The following DNAH11 variants were observed in gnomAD, a reference collection of about 807,000 sequenced individuals.
DNAH11 encodes dynein axonemal heavy chain 11.
In DNAH11, 442 loss-of-function variants were observed where a neutral mutation model predicts 526.0. That is an observed-to-expected ratio of 0.84 (90% CI 0.78 to 0.91). The LOEUF (loss-of-function observed/expected upper bound fraction) is 0.91. DNAH11 is among the 40% of genes least tolerant of loss of function. The pLI is 0.00. For synonymous variants in DNAH11, 2,461 were observed against 1,935.9 expected (o/e 1.27, Z -7.12); for missense variants, 6,989 against 5,448.7 (o/e 1.28, Z -8.90).
At chr7:21,759,178 T>C (rs565036750) in intron 54 of DNAH11, among the ~76,000 whole-genome samples, 4 of 152,290 alleles carry the variant, frequency 2.6e-5, no homozygotes, top group Non-Finnish European at 5.9e-5. Flanking sequence ...CTCTTTGCTA[T>C]CTATTGGGAT....
chr7:21,866,721 T>A, intron 71 of DNAH11, 58 bp downstream of exon 71: 1 of 1,515,742 alleles, frequency 6.6e-7, no homozygotes, highest in Non-Finnish European at 8.9e-7. Flanking sequence ...AAATGTAGTC[T>A]GAAGAGTTAG....
intron 61 of DNAH11, among the ~76,000 whole-genome samples, chr7:21,800,074 A>C (rs966737286): frequency 5.3e-5 from 8 of 152,202 alleles, no homozygotes; most frequent in African/African-American, 1.7e-4. Flanking sequence ...AAAGGTGACC[A>C]GGGGACCCAA....
At chr7:21,868,313 A>AT (rs1430533171) in intron 72 of DNAH11, among the ~76,000 whole-genome samples, 1 of 152,140 alleles carries the variant, frequency 6.6e-6, no homozygotes, top group African/African-American at 2.4e-5. Flanking sequence ...CTGTGACTAA[A>AT]TAATGGTCAT....
chr7:21,658,058 C>A (rs1169332190), intron 29 of DNAH11, among the ~76,000 whole-genome samples: 1 of 151,656 alleles, frequency 6.6e-6, no homozygotes, highest in Non-Finnish European at 1.5e-5. Flanking sequence ...TATATGATAT[C>A]CTAAGAAAAT....
intron 22 of DNAH11, 39 bp from the exon 23 acceptor site, chr7:21,617,580 T>C (rs1785835602): frequency 8.1e-6 from 13 of 1,609,398 alleles, no homozygotes; most frequent in Middle Eastern, 3.3e-4. Flanking sequence ...TACTGTGTTA[T>C]ATCTTGGGAG....
intron 12 of DNAH11, among the ~76,000 whole-genome samples, chr7:21,589,887 T>C (rs1399242565): frequency 1.3e-5 from 2 of 152,204 alleles, no homozygotes; most frequent in Admixed American, 6.5e-5. Flanking sequence ...ACGTTTTTGA[T>C]GAGCACTGGT....
chr7:21,817,459 T>C (rs924311666), intron 64 of DNAH11, among the ~76,000 whole-genome samples: 5 of 147,358 alleles, frequency 3.4e-5, no homozygotes, highest in Non-Finnish European at 5.9e-5. Flanking sequence ...TACAGGAGGA[T>C]TGCTTGGAGC....
At chr7:21,770,093 C>T (rs1434226064) in intron 55 of DNAH11, among the ~76,000 whole-genome samples, 2 of 152,178 alleles carry the variant, frequency 1.3e-5, no homozygotes, top group African/African-American at 4.8e-5. Flanking sequence ...TGTGTAATGG[C>T]AGTAATCTTA....
At chr7:21,668,905 A>C (rs1398545161) in intron 30 of DNAH11, among the ~76,000 whole-genome samples, 1 of 152,206 alleles carries the variant, frequency 6.6e-6, no homozygotes, top group Non-Finnish European at 1.5e-5. Context: ...TTTAAGAAAC[A>C]GTCAAACAGT....
intron 58 of DNAH11, among the ~76,000 whole-genome samples, chr7:21,786,164 T>C (rs1788172107): frequency 1.3e-5 from 2 of 151,218 alleles, no homozygotes; most frequent in African/African-American, 2.5e-5. Context: ...AAGATATTTC[T>C]TTCTTGTACA....
chr7:21,544,904 G>A, intron 1 of DNAH11, 102 bp from the exon 2 acceptor site: 1 of 999,396 alleles, frequency 1.0e-6, no homozygotes, highest in Non-Finnish European at 1.4e-6. Context: ...AAGATGCCAG[G>A]TTTTGTTTCT....
intron 14 of DNAH11, among the ~76,000 whole-genome samples, chr7:21,597,916 A>G (rs1030495572): frequency 3.3e-5 from 5 of 152,222 alleles, no homozygotes; most frequent in Non-Finnish European, 5.9e-5. Flanking sequence ...GTACTGCACA[A>G]TTCCAGGGGT....
chr7:21,855,215 A>G (rs184718422), intron 68 of DNAH11, among the ~76,000 whole-genome samples: 1 of 151,806 alleles, frequency 6.6e-6, no homozygotes. Flanking sequence ...GTATTTTTAG[A>G]AGGGATGGGG....
chr7:21,600,263 C>A, intron 15 of DNAH11, 144 bp downstream of exon 15: 1 of 667,852 alleles, frequency 1.5e-6, no homozygotes, highest in Non-Finnish European at 2.3e-6. Flanking sequence ...AGTTCAAGAC[C>A]AGCCTAAGCA....
chr7:21,875,165 TTAAG>T (rs1221718409), intron 74 of DNAH11, among the ~76,000 whole-genome samples: 3 of 152,198 alleles, frequency 2.0e-5, no homozygotes, highest in Admixed American at 6.5e-5. Flanking sequence ...TTTGAAACTA[TTAAG>T]TATCTGCAAT....
intron 25 of DNAH11, among the ~76,000 whole-genome samples, chr7:21,621,121 A>T (rs537740951): frequency 6.6e-6 from 1 of 152,116 alleles, no homozygotes; most frequent in African/African-American, 2.4e-5. Flanking sequence ...CTAGTTCTAG[A>T]TCCCTGAGGA....
chr7:21,586,094 A>T (rs990830662), intron 9 of DNAH11, among the ~76,000 whole-genome samples: 2 of 152,182 alleles, frequency 1.3e-5, no homozygotes, highest in Non-Finnish European at 2.9e-5. Context: ...GACTTTTCCT[A>T]CTACTTTTTG....
intron 63 of DNAH11, among the ~76,000 whole-genome samples, chr7:21,808,689 T>C (rs1789379833): frequency 6.6e-6 from 1 of 152,234 alleles, no homozygotes; most frequent in African/African-American, 2.4e-5. Context: ...TCCAGTTCCA[T>C]TTATGTGGCT....
At chr7:21,588,678 T>TA (rs1480287257) in intron 11 of DNAH11, 42 bp downstream of exon 11, 4 of 1,597,094 alleles carry the variant, frequency 2.5e-6, no homozygotes, top group South Asian at 1.1e-5. Context: ...ATTCTAATGG[T>TA]ACGGGTGACA....
Sources: allele counts gnomAD v4.1 joint callset (sites outside exome capture counted in the v4.1 genomes callset), GRCh38; gene constraint gnomAD v4.1.1; transcripts MANE v1.5; gene names NCBI Gene and HGNC (gene_info 2026-07-23, HGNC 2026-07-21).